The following ASCC3 variants were observed in gnomAD, a reference collection of about 807,000 sequenced individuals.
The protein encoded by ASCC3 is activating signal cointegrator 1 complex subunit 3, also known as ASC-1 complex subunit P200.
ASCC3 carries 158 observed loss-of-function variants against 256.3 expected under a neutral mutation model. The observed-to-expected ratio is 0.62, with a 90% CI of 0.54 to 0.70. ASCC3 has a LOEUF of 0.70. Ranked by LOEUF, ASCC3 falls within the 30% of genes least tolerant of loss-of-function variation. The pLI, the probability that ASCC3 is intolerant of heterozygous loss-of-function variation, is 0.00. For synonymous variants in ASCC3, 948 were observed against 883.4 expected, an observed-to-expected ratio of 1.07 and a Z score of -1.30; for missense variants, 2,259 against 2,626.0, an observed-to-expected ratio of 0.86 and a Z score of 3.05.
chr6:100,802,595 A>T (rs1366784496), intron 5 of ASCC3, among the ~76,000 whole-genome samples: 2 of 152,016 alleles, frequency 1.3e-5, no homozygotes, highest in African/African-American at 4.8e-5. Flanking sequence ...CTAATATTAT[A>T]AAATTTATGG....
At chr6:100,795,465 T>A (rs796870715) in intron 8 of ASCC3, among the ~76,000 whole-genome samples, 21 of 152,202 alleles carry the variant, frequency 1.4e-4, no homozygotes, top group African/African-American at 5.1e-4. Flanking sequence ...TATGCCAAGC[T>A]GGGCACATAG....
intron 4 of ASCC3, among the ~76,000 whole-genome samples, chr6:100,835,494 T>C: frequency 6.6e-6 from 1 of 152,170 alleles, no homozygotes; most frequent in Non-Finnish European, 1.5e-5. Flanking sequence ...CACATGAATA[T>C]CCAGCTTTTC....
intron 13 of ASCC3, among the ~76,000 whole-genome samples, chr6:100,710,967 A>T (rs1778826936): frequency 6.6e-6 from 1 of 152,182 alleles, no homozygotes; most frequent in Non-Finnish European, 1.5e-5. Flanking sequence ...TAATAGCATT[A>T]TTAAACTATT....
At chr6:100,834,271 T>C (rs1337607506) in intron 4 of ASCC3, among the ~76,000 whole-genome samples, 1 of 152,180 alleles carries the variant, frequency 6.6e-6, no homozygotes, top group Non-Finnish European at 1.5e-5. Context: ...ACAATAAAAA[T>C]GCTTAGAATA....
intron 13 of ASCC3, among the ~76,000 whole-genome samples, chr6:100,691,528 G>A (rs75710236): frequency 0.028 from 4,275 of 151,698 alleles, 175 homozygotes; most frequent in East Asian, 0.19. Context: ...TTATAAACAT[G>A]AATAACTTAA....
At chr6:100,764,015 G>A (rs1000616814) in intron 10 of ASCC3, among the ~76,000 whole-genome samples, 15 of 152,160 alleles carry the variant, frequency 9.9e-5, no homozygotes, top group Admixed American at 2.6e-4. Flanking sequence ...ACCCAGTAGG[G>A]TTCTTGTGAA....
chr6:100,569,053 T>C (rs1770440747), intron 36 of ASCC3, among the ~76,000 whole-genome samples: 2 of 152,032 alleles, frequency 1.3e-5, no homozygotes, highest in Non-Finnish European at 2.9e-5. Flanking sequence ...AATTATTTCT[T>C]AAGGCTGATG....
At chr6:100,665,856 T>C (rs1582660207) in intron 14 of ASCC3, among the ~76,000 whole-genome samples, 1 of 152,142 alleles carries the variant, frequency 6.6e-6, no homozygotes, top group East Asian at 1.9e-4. Context: ...TTTTCCACTT[T>C]TAGTGTACAC....
At chr6:100,556,335 A>C (rs1451172346) in intron 36 of ASCC3, among the ~76,000 whole-genome samples, 1 of 152,220 alleles carries the variant, frequency 6.6e-6, no homozygotes. Context: ...ACAATTGCCA[A>C]ATAAATGAAA....
intron 30 of ASCC3, 130 bp from the exon 31 acceptor site, chr6:100,607,218 C>A: frequency 1.1e-5 from 10 of 938,334 alleles, no homozygotes; most frequent in Non-Finnish European, 1.6e-5. Context: ...GTCCTATATA[C>A]AGTTATGATT....
At chr6:100,768,174 T>A (rs1298306737) in intron 8 of ASCC3, among the ~76,000 whole-genome samples, 1 of 151,732 alleles carries the variant, frequency 6.6e-6, no homozygotes, top group African/African-American at 2.4e-5. Flanking sequence ...AGCCATAGAC[T>A]ACACTTTGTG....
intron 10 of ASCC3, among the ~76,000 whole-genome samples, chr6:100,732,753 G>A (rs1779962215): frequency 6.7e-6 from 1 of 148,934 alleles, no homozygotes; most frequent in Admixed American, 6.8e-5. Context: ...CTCACACAAT[G>A]TTATGAAATG....
Position 100,588,457 on chromosome 6 carries a change from T to C in ASCC3, c.5550+1177A>G, listed in dbSNP as rs555094720. Among the ~76,000 whole-genome samples, 184 of 152,312 alleles carry C rather than the reference T, an allele frequency of 1.2e-3. 1 individual carries two copies. Among genetic ancestry groups the C allele is most frequent in the African/African-American group, 4.1e-3 (172 of 41,596 alleles). On this transcript the variant is annotated intron_variant, in intron 36 of 41. Coordinates refer to ENST00000369162, the MANE Select transcript of ASCC3 (RefSeq NM_006828.4). ...CTTTTATGAATCTTTGGCTAGGAGC[T>C]GATATAAATCTCATTCTTAAGGATC...
At chr6:100,786,127 A>G (rs56848529) in intron 8 of ASCC3, among the ~76,000 whole-genome samples, 4,427 of 152,190 alleles carry the variant, frequency 0.029, 215 homozygotes, top group African/African-American at 0.1. Flanking sequence ...CTTGGGCTGC[A>G]CAATCATAAC....
At chr6:100,565,152 T>TTG (rs1770167966) in intron 36 of ASCC3, among the ~76,000 whole-genome samples, 1 of 152,312 alleles carries the variant, frequency 6.6e-6, no homozygotes, top group East Asian at 1.9e-4. Flanking sequence ...TAACTGCAAT[T>TTG]GAATCAACTG....
chr6:100,647,488 A>C (rs763182377), intron 20 of ASCC3, 37 bp from the exon 21 acceptor site: 2 of 1,548,750 alleles, frequency 1.3e-6, no homozygotes, highest in African/African-American at 2.7e-5. Context: ...GGTTATACCC[A>C]ATGTGCTTTT....
intron 4 of ASCC3, among the ~76,000 whole-genome samples, chr6:100,807,016 T>C (rs1361518758): frequency 6.6e-6 from 1 of 151,880 alleles, no homozygotes; most frequent in East Asian, 1.9e-4. Flanking sequence ...AAGTTACAAC[T>C]AATAGTAGTG....
In ASCC3 at chr6:100,548,860, C is replaced by T. The variant is rs561893168; in HGVS notation, c.5551-8473G>A. ...GAACCCCAGCGGACACATGAAACTC[C>T]GGATAGTAACAAGCCTTATATATAC... On this transcript the variant is annotated intron_variant, in intron 36 of 41. Coordinates refer to ENST00000369162, the MANE Select transcript of ASCC3 (RefSeq NM_006828.4). 1.1e-4 allele frequency among the ~76,000 whole-genome samples: 17 copies of T among 151,818 alleles called. No individual in the cohort carries two copies. The South Asian group carries it at 1.7e-3, about 15-fold the overall frequency.
intron 36 of ASCC3, among the ~76,000 whole-genome samples, chr6:100,572,084 G>T (rs1770619053): frequency 6.6e-6 from 1 of 152,096 alleles, no homozygotes; most frequent in African/African-American, 2.4e-5. Context: ...TCTCTATATA[G>T]ACGATGCTAT....
Sources: gnomAD v4.1 joint callset for allele counts (sites outside exome capture counted in the v4.1 genomes callset) on GRCh38, gnomAD v4.1.1 for gene constraint, MANE v1.5 for transcripts, NCBI Gene and HGNC (gene_info 2026-07-23, HGNC 2026-07-21) for gene names.